CEP57: variants seen among roughly 807,000 people sequenced by gnomAD.
CEP57 encodes the protein centrosomal protein of 57 kDa.
CEP57 carries 40 observed loss-of-function variants against 68.0 expected under a neutral mutation model. That is an observed-to-expected ratio of 0.59 (90% CI 0.46 to 0.77). CEP57 has a LOEUF of 0.77. CEP57 is among the 30% of genes least tolerant of loss of function. The pLI is 0.00. For missense variants in CEP57, 606 were observed against 580.7 expected (o/e 1.04, Z -0.45); for synonymous variants, 219 against 198.7 (o/e 1.10, Z -0.86).
chr11:95,808,091 C>T (rs7127658), intron 2 of CEP57, among the ~76,000 whole-genome samples: 20,127 of 152,090 alleles, frequency 0.13, 2,854 homozygotes, highest in African/African-American at 0.35. Context: ...GAATTTTCAA[C>T]CCAGAATTTC....
Position 95,790,580 on chromosome 11 carries a change from C to G in CEP57, c.-119C>G, listed in dbSNP as rs1253855832. On this transcript the variant is annotated 5_prime_UTR_variant, in exon 1 of 11. Transcript: ENST00000325542. ...CAAGCCCAGCACCAGCACCCTTGCC[C>G]TTTTCCATCAGGGGTTCAGCCTAGG... The G allele has an allele frequency of 1.6e-6, 2 of 1,271,746 alleles. No homozygotes were observed. Among genetic ancestry groups the G allele is most frequent in the East Asian group, 2.5e-5 (1 of 39,742 alleles). 78.8% of individuals were successfully genotyped at this position (1,271,746 alleles called of 1,614,324 possible).
chr11:95,822,217 T>A (rs1478138459), intron 7 of CEP57: 3 of 579,776 alleles, frequency 5.2e-6, no homozygotes, highest in Non-Finnish European at 9.2e-6. Context: ...TTATTAGTAC[T>A]GCATTATCTT....
chr11:95,809,276 C>G (rs1011792216), intron 2 of CEP57, among the ~76,000 whole-genome samples: 4 of 152,112 alleles, frequency 2.6e-5, no homozygotes, highest in Non-Finnish European at 4.4e-5. Context: ...GACACCCTAA[C>G]ATCACAATTA....
At chr11:95,829,371 G>GAA (rs5793749) in intron 10 of CEP57, 40 bp downstream of exon 10, 15,524 of 1,399,138 alleles carry the variant, frequency 0.011, no homozygotes, top group Non-Finnish European at 0.013. Flanking sequence ...TAATGATTAA[G>GAA]AAAAAAAAAA....
intron 2 of CEP57, among the ~76,000 whole-genome samples, chr11:95,809,684 G>C (rs551510016): frequency 3.5e-4 from 53 of 152,232 alleles, no homozygotes; most frequent in African/African-American, 1.2e-3. Flanking sequence ...CCAATAGCAG[G>C]CTCTGAAATT....
upstream of CEP57, chr11:95,790,364 C>T (rs576022896): frequency 2.2e-6 from 1 of 445,648 alleles, no homozygotes; most frequent in South Asian, 2.7e-5. Context: ...GTAACCCCGG[C>T]GTTGTCTGCC....
At chr11:95,827,299 G>A (rs758669918) in intron 8 of CEP57, 9 of 169,466 alleles carry the variant, frequency 5.3e-5, no homozygotes, top group Non-Finnish European at 7.6e-5. Flanking sequence ...TTTAATAGGT[G>A]AAATAGATAT....
chr11:95,799,296 T>C lies in CEP57; in HGVS notation c.110T>C (p.Val37Ala). 6.2e-7 allele frequency: 1 copy of C among 1,614,098 alleles called. No homozygotes were observed. The highest frequency in any genetic ancestry group is 8.5e-7 in the Non-Finnish European group (1 of 1,179,942). The change falls in exon 2 of 11, where the codon GTA becomes GCA. Residue 37 changes from valine (V) to alanine (A), a missense_variant. By Grantham distance (64) the Val-to-Ala change is moderately conservative. Transcript: ENST00000325542. ...GTTCGGCATTCTTCATCTCCATATG[T>C]AGTATATCCTTCGGATAAGCCTTTC... is the stretch of plus-strand genomic sequence containing the variant. Reference protein sequence around the residue: ...SMVRHSSSPYVVYPSDKPFLN... With the variant: ...SMVRHSSSPYAVYPSDKPFLN...
intron 1 of CEP57, among the ~76,000 whole-genome samples, chr11:95,798,201 G>A (rs1861428605): frequency 6.6e-6 from 1 of 152,138 alleles, no homozygotes; most frequent in Non-Finnish European, 1.5e-5. Context: ...CATAGCCATA[G>A]TGTGTTTTAT....
At position 95,809,822 on chromosome 11, in the gene CEP57, AAG is replaced by A. The variant is rs548846147; in HGVS notation, c.203-3107_203-3106del. Among the ~76,000 whole-genome samples, 889 of 152,350 alleles carry A rather than the reference AAG, an allele frequency of 5.8e-3. 14 individuals are homozygous for A. Among genetic ancestry groups the A allele is most frequent in the African/African-American group, 0.02 (825 of 41,588 alleles). On this transcript the variant is annotated intron_variant, in intron 2 of 10. Coordinates refer to ENST00000325542, the MANE Select transcript of CEP57 (RefSeq NM_014679.5). Reference sequence around the variant, plus strand: ...CTGAAACAATTCCAATCAATGGAAAAAGAGGTAATCCTCCCAAACTCATTTTA... The same window carrying A: ...CTGAAACAATTCCAATCAATGGAAAAAGGTAATCCTCCCAAACTCATTTTA...
At chr11:95,798,175 C>T (rs1565310910) in intron 1 of CEP57, among the ~76,000 whole-genome samples, 1 of 152,058 alleles carries the variant, frequency 6.6e-6, no homozygotes, top group Non-Finnish European at 1.5e-5. Context: ...AGCTCTTTGT[C>T]CCCACTTTTG....
chr11:95,793,980 C>T (rs192953488), intron 1 of CEP57, among the ~76,000 whole-genome samples: 1 of 152,168 alleles, frequency 6.6e-6, no homozygotes, highest in African/African-American at 2.4e-5. Flanking sequence ...TCTGTAATGA[C>T]CACGTTTGTG....
At chr11:95,812,776 A>G in intron 2 of CEP57, 156 bp from the exon 3 acceptor site, 1 of 733,080 alleles carries the variant, frequency 1.4e-6, no homozygotes, top group Non-Finnish European at 2.4e-6. Flanking sequence ...TAAAAAACAA[A>G]TATGAGATAA....
chr11:95,813,004 A>G lies in CEP57; in HGVS notation c.275A>G (p.Glu92Gly), dbSNP rs773969912. The change falls in exon 3 of 11, where the codon GAA becomes GGA. Residue 92 changes from glutamate to glycine, a missense_variant. Glu to Gly is a moderately conservative substitution (Grantham distance 98). Coordinates refer to ENST00000325542, the MANE Select transcript of CEP57 (RefSeq NM_014679.5). ...GAACTTGAGAGGATTCAGGCAGAAG[A>G]AAGTGTGAAAACCTTGTCTAGAGAA... ...RLELERIQAE[E>G]SVKTLSRETI... The G allele has an allele frequency of 1.9e-6, 3 of 1,614,108 alleles. No individual in the cohort carries two copies. In the Admixed American group the frequency reaches 5.0e-5, roughly 27 times the overall value.
At chr11:95,822,277 T>C in intron 7 of CEP57, 2 of 586,946 alleles carry the variant, frequency 3.4e-6, no homozygotes, top group Non-Finnish European at 6.0e-6. Flanking sequence ...CTACTTAGAA[T>C]GTAACTGTTG....
Position 95,831,369 on chromosome 11 carries a change from G to A in CEP57, c.*113G>A, listed in dbSNP as rs374880265. On this transcript the variant is annotated 3_prime_UTR_variant, in exon 11 of 11. Coordinates refer to ENST00000325542, the MANE Select transcript of CEP57 (RefSeq NM_014679.5). ...TTATGTTGGAATTAATTAATAGCAG[G>A]TGTTAAAGGACCCAGGCTTCATTAC... 1,203 of 776,922 alleles carry A rather than the reference G, an allele frequency of 1.5e-3. 17 individuals are homozygous for A. Among genetic ancestry groups the A allele is most frequent in the South Asian group, 0.012 (768 of 63,742 alleles). 48.1% of individuals were successfully genotyped at this position (776,922 alleles called of 1,614,324 possible).
chr11:95,819,621 C>T (rs1271474892), intron 6 of CEP57, among the ~76,000 whole-genome samples: 1 of 152,164 alleles, frequency 6.6e-6, no homozygotes, highest in South Asian at 2.1e-4. Context: ...ACTCCCCTGC[C>T]CCTTCCAGGG....
rs190360114 is a variant in CEP57 at position 95,799,336 on chromosome 11, A to G, written c.150A>G (p.Leu50=). The G allele has an allele frequency of 5.0e-6, 8 of 1,614,108 alleles. No individual in the cohort carries two copies. The highest frequency in any genetic ancestry group is 2.2e-5 in the East Asian group (1 of 44,880). ...PSDKPFLNSD[L]RRSPSKPTLA... ...ATAAGCCTTTCCTTAATAGTGATCT[A>G]CGACGCTCCCCAAGTAAGCCTACAC... Residue 50 remains leucine (L), a synonymous_variant, in exon 2 of 11, where the codon CTA becomes CTG. Coordinates refer to ENST00000325542, the MANE Select transcript of CEP57 (RefSeq NM_014679.5).
intron 7 of CEP57, 41 bp from the exon 8 acceptor site, chr11:95,822,458 T>C: frequency 6.7e-7 from 1 of 1,489,590 alleles, no homozygotes; most frequent in South Asian, 1.1e-5. Context: ...TTTATTATCA[T>C]GTGAATAAAA....
Sources: gnomAD v4.1 joint callset for allele counts (sites outside exome capture counted in the v4.1 genomes callset) on GRCh38, gnomAD v4.1.1 for gene constraint, MANE v1.5 for transcripts, NCBI Gene and HGNC (gene_info 2026-07-23, HGNC 2026-07-21) for gene names.